Variants in GRIK3 observed in about 807,000 individuals in gnomAD.
GRIK3 encodes the protein glutamate receptor ionotropic, kainate 3.
A neutral mutation model predicts 102.5 loss-of-function variants in GRIK3; 29 were observed. That is an observed-to-expected ratio of 0.28 (90% CI 0.21 to 0.39). The LOEUF (loss-of-function observed/expected upper bound fraction) is 0.39, where lower values mean the gene tolerates loss of function less well. GRIK3 is among the 10% of genes least tolerant of loss of function. The pLI is 1.00. For synonymous variants in GRIK3, 511 were observed against 504.9 expected (o/e 1.01, Z -0.16); for missense variants, 908 against 1,252.4 (o/e 0.73, Z 4.15).
At chr1:37,019,132 T>C (rs527301729) in intron 1 of GRIK3, among the ~76,000 whole-genome samples, 2 of 152,166 alleles carry the variant, frequency 1.3e-5, no homozygotes, top group South Asian at 2.1e-4. Flanking sequence ...GACTTACAAA[T>C]TGGGTACTAA....
At chr1:36,993,966 G>A (rs1642388736) in intron 1 of GRIK3, among the ~76,000 whole-genome samples, 1 of 152,140 alleles carries the variant, frequency 6.6e-6, no homozygotes, top group Non-Finnish European at 1.5e-5. Flanking sequence ...TCTTCCCCAG[G>A]GGAGGATCAC....
At chr1:36,928,919 C>A (rs891586050) in intron 1 of GRIK3, among the ~76,000 whole-genome samples, 1 of 152,202 alleles carries the variant, frequency 6.6e-6, no homozygotes, top group African/African-American at 2.4e-5. Flanking sequence ...GAGGAGATAG[C>A]ACCTGTGCTG....
chr1:36,954,289 T>C (rs1223249151), intron 1 of GRIK3, among the ~76,000 whole-genome samples: 1 of 152,236 alleles, frequency 6.6e-6, no homozygotes, highest in Non-Finnish European at 1.5e-5. Flanking sequence ...CGTCTTGGAA[T>C]GCTGGCCCAT....
rs887809400 is a variant in GRIK3, at chr1:36,819,473, G to C, written c.1873+263C>G. 2.6e-5 allele frequency among the ~76,000 whole-genome samples: 4 copies of C among 152,224 alleles called. No homozygotes were observed. Among genetic ancestry groups the C allele is most frequent in the African/African-American group, 9.6e-5 (4 of 41,456 alleles). On this transcript the variant is annotated intron_variant, in intron 12 of 15. Coordinates refer to ENST00000373091, the MANE Select transcript of GRIK3 (RefSeq NM_000831.4). This position sits in a 1 kb window ranked among gnomAD's most constrained non-coding sequence, Gnocchi z 4.1. ...CCACCTCAGCTGGAGCAGGAGGTGG[G>C]GGATGCGTCCCGCATGCCCTGGGCT...
At chr1:36,953,180 G>C (rs971872528) in intron 1 of GRIK3, among the ~76,000 whole-genome samples, 20 of 152,234 alleles carry the variant, frequency 1.3e-4, no homozygotes, top group African/African-American at 4.8e-4. Context: ...GGACAGCCCT[G>C]TCCTTGCCCC....
intron 5 of GRIK3, 66 bp from the exon 6 acceptor site, chr1:36,860,083 T>A: frequency 7.7e-7 from 1 of 1,300,022 alleles, no homozygotes; most frequent in Middle Eastern, 2.0e-4. Flanking sequence ...CCCCGCCTCC[T>A]ACCCACTCCC....
intron 1 of GRIK3, among the ~76,000 whole-genome samples, chr1:36,923,970 G>GACAC (rs1258758924): frequency 6.6e-6 from 1 of 150,818 alleles, no homozygotes; most frequent in African/African-American, 2.4e-5. Flanking sequence ...CTTGCACCAA[G>GACAC]ACACATACAT....
chr1:36,960,610 A>C (rs1641996177), intron 1 of GRIK3, among the ~76,000 whole-genome samples: 2 of 152,152 alleles, frequency 1.3e-5, no homozygotes, highest in Non-Finnish European at 2.9e-5. Flanking sequence ...CTTCTGGCCC[A>C]CTTCAGAGTC....
intron 1 of GRIK3, among the ~76,000 whole-genome samples, chr1:36,962,098 C>T (rs190057782): frequency 3.3e-4 from 51 of 152,272 alleles, no homozygotes; most frequent in Admixed American, 2.5e-3. Context: ...CAGTTGCTGG[C>T]CAGGCGGGGC....
chr1:37,030,540 C>CCT (rs1642814555), intron 1 of GRIK3, among the ~76,000 whole-genome samples: 1 of 104,910 alleles, frequency 9.5e-6, no homozygotes, highest in African/African-American at 4.6e-5. Flanking sequence ...TCCCCACCCC[C>CCT]CACCCCCTCC....
At chr1:36,839,318 A>G (rs536623539) in intron 10 of GRIK3, among the ~76,000 whole-genome samples, 3 of 152,322 alleles carry the variant, frequency 2.0e-5, no homozygotes, top group African/African-American at 4.8e-5. Context: ...CATAATAATT[A>G]TAGTTATTAC....
intron 1 of GRIK3, among the ~76,000 whole-genome samples, chr1:37,013,178 T>A (rs996361190): frequency 2.0e-5 from 3 of 152,132 alleles, no homozygotes; most frequent in African/African-American, 7.2e-5. Context: ...TCAGATCTCG[T>A]GAGACGTATT....
intron 1 of GRIK3, among the ~76,000 whole-genome samples, chr1:36,991,646 G>A (rs1005000090): frequency 6.6e-6 from 1 of 152,218 alleles, no homozygotes; most frequent in Non-Finnish European, 1.5e-5. Context: ...TGACTCCAAA[G>A]GGAGCTCTTC....
intron 1 of GRIK3, among the ~76,000 whole-genome samples, chr1:36,978,301 G>A (rs553509725): frequency 1.5e-4 from 23 of 152,324 alleles, no homozygotes; most frequent in East Asian, 1.4e-3. Context: ...CCCAGATTAC[G>A]GAGCATCTAT....
chr1:36,977,577 C>A (rs958822155), intron 1 of GRIK3, among the ~76,000 whole-genome samples: 1 of 152,150 alleles, frequency 6.6e-6, no homozygotes, highest in Admixed American at 6.5e-5. Flanking sequence ...CATTCCCCTG[C>A]GATGCTTCCT....
intron 9 of GRIK3, among the ~76,000 whole-genome samples, chr1:36,848,761 A>T (rs1570758401): frequency 7.1e-6 from 1 of 141,236 alleles, no homozygotes; most frequent in African/African-American, 2.7e-5. Context: ...GTTTATTTTC[A>T]TCCTTTACAT....
chr1:36,875,060 A>G (rs561527408), intron 3 of GRIK3, among the ~76,000 whole-genome samples: 9 of 152,324 alleles, frequency 5.9e-5, no homozygotes, highest in African/African-American at 2.2e-4. Flanking sequence ...TTCTGCATTC[A>G]TTACCCTATT....
intron 1 of GRIK3, among the ~76,000 whole-genome samples, chr1:36,892,249 C>T (rs912665551): frequency 2.6e-5 from 4 of 152,290 alleles, no homozygotes; most frequent in South Asian, 2.1e-4. Context: ...GAACTCTTGA[C>T]CTCAGGTGAG....
intron 13 of GRIK3, among the ~76,000 whole-genome samples, chr1:36,810,469 T>TCA: frequency 6.6e-6 from 1 of 152,328 alleles, no homozygotes; most frequent in Middle Eastern, 3.4e-3. Flanking sequence ...AATTTCAGGC[T>TCA]CACGACTTTC....
Sources: allele counts gnomAD v4.1 joint callset (sites outside exome capture counted in the v4.1 genomes callset), GRCh38; gene constraint gnomAD v4.1.1; non-coding constraint Gnocchi (gnomAD v3.1); transcripts MANE v1.5; gene names NCBI Gene and HGNC (gene_info 2026-07-23, HGNC 2026-07-21).